The following SYT16 variants were observed in gnomAD, a reference collection of about 807,000 sequenced individuals.
The protein encoded by SYT16 is synaptotagmin-16.
SYT16 carries 42 observed loss-of-function variants against 61.4 expected under a neutral mutation model. The ratio of observed to expected loss-of-function variants is 0.68; its 90% CI spans 0.53 to 0.89. The LOEUF is 0.89. Ranked by LOEUF, SYT16 falls within the 40% of genes least tolerant of loss-of-function variation. The pLI is 0.00. For synonymous variants in SYT16, 314 were observed against 302.3 expected (o/e 1.04, Z -0.40); for missense variants, 804 against 807.3 (o/e 1.00, Z 0.05).
intron 1 of SYT16, among the ~76,000 whole-genome samples, chr14:61,916,231 C>T (rs981826453): frequency 6.6e-6 from 1 of 152,066 alleles, no homozygotes; most frequent in African/African-American, 2.4e-5. Flanking sequence ...ATTTGGATTT[C>T]AGTCTTTGTT....
chr14:62,093,211 C>T (rs2057152649), intron 7 of SYT16, among the ~76,000 whole-genome samples: 1 of 151,802 alleles, frequency 6.6e-6, no homozygotes, highest in African/African-American at 2.4e-5. Flanking sequence ...AGACATTAAA[C>T]CAAGTGAACA....
intron 1 of SYT16, among the ~76,000 whole-genome samples, chr14:61,943,088 A>C (rs1238952982): frequency 2.0e-5 from 3 of 152,244 alleles, no homozygotes; most frequent in African/African-American, 7.2e-5. Context: ...CTACCATCAG[A>C]GAATACTATA....
intron 1 of SYT16, among the ~76,000 whole-genome samples, chr14:61,864,208 C>A (rs927274195): frequency 6.6e-6 from 1 of 152,214 alleles, no homozygotes; most frequent in Non-Finnish European, 1.5e-5. Flanking sequence ...AAAACTATTA[C>A]GACCCAGGAG....
At chr14:61,969,814 T>A (rs994567299) in intron 1 of SYT16, among the ~76,000 whole-genome samples, 3 of 152,104 alleles carry the variant, frequency 2.0e-5, no homozygotes, top group Non-Finnish European at 4.4e-5. Context: ...GTCTTAATTG[T>A]GTGTTTGAAG....
At chr14:62,082,919 G>T (rs2056758754) in intron 6 of SYT16, among the ~76,000 whole-genome samples, 1 of 152,244 alleles carries the variant, frequency 6.6e-6, no homozygotes, top group Admixed American at 6.5e-5. Context: ...ATGCACCAGG[G>T]ACTGAGAGAT....
chr14:61,835,014 C>T (rs1256637162), intron 1 of SYT16, among the ~76,000 whole-genome samples: 1 of 152,108 alleles, frequency 6.6e-6, no homozygotes, highest in Non-Finnish European at 1.5e-5. Context: ...TTTTATAAAT[C>T]CTGACCTTTT....
chr14:61,972,789 A>C (rs1275471467), intron 2 of SYT16, among the ~76,000 whole-genome samples: 4 of 152,166 alleles, frequency 2.6e-5, no homozygotes, highest in Non-Finnish European at 5.9e-5. Context: ...AGACAGACAG[A>C]GCTTACTTTT....
chr14:61,877,572 A>T (rs577550733), intron 1 of SYT16, among the ~76,000 whole-genome samples: 1 of 152,360 alleles, frequency 6.6e-6, no homozygotes, highest in South Asian at 2.1e-4. Flanking sequence ...CTTAAAAGTC[A>T]GTCCCATTTT....
At chr14:61,868,349 T>A (rs180793016) in intron 1 of SYT16, among the ~76,000 whole-genome samples, 134 of 152,096 alleles carry the variant, frequency 8.8e-4, no homozygotes, top group Non-Finnish European at 1.7e-3. Context: ...TAATTTTTGC[T>A]TTCATCTGCT....
intron 1 of SYT16, among the ~76,000 whole-genome samples, chr14:61,911,422 A>C (rs1352152447): frequency 6.6e-6 from 1 of 152,226 alleles, no homozygotes; most frequent in Non-Finnish European, 1.5e-5. Context: ...GGATTATATC[A>C]CATCAGAGTT....
intron 1 of SYT16, among the ~76,000 whole-genome samples, chr14:61,817,646 T>C (rs992152530): frequency 1.3e-5 from 2 of 152,044 alleles, no homozygotes; most frequent in Non-Finnish European, 2.9e-5. Flanking sequence ...GACCACTAAA[T>C]GCAATGGATG....
intron 1 of SYT16, among the ~76,000 whole-genome samples, chr14:61,822,335 G>A (rs922300430): frequency 5.3e-5 from 8 of 152,156 alleles, no homozygotes; most frequent in Admixed American, 3.3e-4. Flanking sequence ...CTTTGTCCTC[G>A]TGGGGCCACC....
At chr14:61,954,710 A>G (rs916371122) in intron 1 of SYT16, among the ~76,000 whole-genome samples, 3 of 152,144 alleles carry the variant, frequency 2.0e-5, no homozygotes, top group Admixed American at 1.3e-4. Context: ...CTTCCCTGTC[A>G]AAGTCTCTAA....
intron 1 of SYT16, among the ~76,000 whole-genome samples, chr14:61,854,750 A>G (rs556279405): frequency 5.9e-5 from 9 of 152,192 alleles, no homozygotes; most frequent in Admixed American, 3.3e-4. Flanking sequence ...TATCTTGTGT[A>G]TATATGTGTG....
chr14:61,813,535 C>T (rs2045333276), intron 1 of SYT16, among the ~76,000 whole-genome samples: 1 of 152,200 alleles, frequency 6.6e-6, no homozygotes, highest in Non-Finnish European at 1.5e-5. Flanking sequence ...CAGAGTAAAA[C>T]CAAGTCACAC....
intron 1 of SYT16, among the ~76,000 whole-genome samples, chr14:61,824,498 A>G (rs571204354): frequency 1.2e-3 from 176 of 152,114 alleles, no homozygotes; most frequent in Non-Finnish European, 2.0e-3. Flanking sequence ...GACTACAGGC[A>G]CCTGCCACCA....
At position 62,111,874 on chromosome 14, in the gene SYT16, A is replaced by G. The variant is rs1219147743; in HGVS notation, c.*11167A>G. On this transcript the variant is annotated 3_prime_UTR_variant, in exon 8 of 8. Coordinates refer to ENST00000683842, the MANE Select transcript of SYT16 (RefSeq NM_001367656.1). ...TGGGTGTCCTTGTGTTTCTCATAGT[A>G]TGACTTATTGATTCATGGTGTCTCT... The G allele has an allele frequency of 6.6e-6, 1 of 152,122 alleles. No homozygotes were observed. The highest frequency in any genetic ancestry group is 2.4e-5 in the African/African-American group (1 of 41,446). 9.4% of individuals were successfully genotyped at this position (152,122 alleles called of 1,614,324 possible).
intron 1 of SYT16, among the ~76,000 whole-genome samples, chr14:61,967,199 T>C (rs1358470601): frequency 6.6e-6 from 1 of 152,054 alleles, no homozygotes; most frequent in African/African-American, 2.4e-5. Context: ...GAACCAGAAA[T>C]AGGTGAACAC....
chr14:62,058,738 G>A (rs535583905), intron 3 of SYT16, among the ~76,000 whole-genome samples: 2 of 152,220 alleles, frequency 1.3e-5, no homozygotes, highest in South Asian at 4.1e-4. Context: ...GAGTGTATGA[G>A]GGCTCCAGAT....
Sources: gnomAD v4.1 joint callset for allele counts (sites outside exome capture counted in the v4.1 genomes callset) on GRCh38, gnomAD v4.1.1 for gene constraint, MANE v1.5 for transcripts, NCBI Gene and HGNC (gene_info 2026-07-23, HGNC 2026-07-21) for gene names.